The following NOS1 variants were observed in gnomAD, a reference collection of about 807,000 sequenced individuals.
The protein encoded by NOS1 is NOS type I.
In NOS1, 51 loss-of-function variants were observed where a neutral mutation model predicts 164.5. The observed-to-expected ratio is 0.31, with a 90% CI of 0.25 to 0.39. The LOEUF is 0.39. Among genes scored for constraint, NOS1 ranks in the 10% least tolerant of loss-of-function variants. NOS1 has a pLI of 1.00. For synonymous variants in NOS1, 719 were observed against 745.8 expected (o/e 0.96, Z 0.59); for missense variants, 1,362 against 1,885.6 (o/e 0.72, Z 5.14).
At chr12:117,319,064 T>TTTA (rs530484699) in intron 2 of NOS1, among the ~76,000 whole-genome samples, 2 of 152,088 alleles carry the variant, frequency 1.3e-5, no homozygotes, top group Non-Finnish European at 2.9e-5. Context: ...AAAAGTATGC[T>TTTA]TTATTATTAT....
chr12:117,285,049 C>CAA (rs10655356), intron 7 of NOS1, among the ~76,000 whole-genome samples, 192 bp downstream of exon 7: 52,088 of 134,122 alleles, frequency 0.39, 10,320 homozygotes, highest in Admixed American at 0.49. Flanking sequence ...GACTCTGTCT[C>CAA]AAAAAAAAAA....
chr12:117,234,901 T>C lies in NOS1; in HGVS notation c.3042-143A>G. The C allele has an allele frequency of 1.9e-6, 1 of 520,270 alleles. No individual in the cohort carries two copies. Among genetic ancestry groups the C allele is most frequent in the Non-Finnish European group, 3.2e-6 (1 of 309,738 alleles). 32.2% of individuals were successfully genotyped at this position (520,270 alleles called of 1,614,324 possible). A position where few individuals can be genotyped will look rare whatever the true frequency, so the allele number is the denominator to read the frequency against. On this transcript the variant is annotated intron_variant, in intron 20 of 28. Transcript: ENST00000317775. This position sits in a 1 kb window ranked among gnomAD's most constrained non-coding sequence, Gnocchi z 4.3. The stretch of plus-strand genomic sequence containing the variant: ...CGTGCTAACCAAGCCTATGCCCCCA[T>C]CATTCTATTATTATTATTATTATTA...
chr12:117,295,705 T>C (rs1873368511), intron 3 of NOS1, among the ~76,000 whole-genome samples: 1 of 144,450 alleles, frequency 6.9e-6, no homozygotes, highest in South Asian at 2.3e-4. Flanking sequence ...GCAACCTCCA[T>C]CATCTTCTGG....
chr12:117,222,648 TGA>T (rs1181193571), intron 26 of NOS1, 65 bp downstream of exon 26: 3 of 1,477,890 alleles, frequency 2.0e-6, no homozygotes, highest in Non-Finnish European at 2.8e-6. Flanking sequence ...GAGGGGTTTC[TGA>T]GAGTAGGATG....
chr12:117,246,176 G>T, intron 18 of NOS1: 1 of 157,718 alleles, frequency 6.3e-6, no homozygotes. Flanking sequence ...ATGTTCTAAT[G>T]AAATTCTACT....
At chr12:117,309,225 A>G (rs1253691215) in intron 3 of NOS1, 7 of 434,338 alleles carry the variant, frequency 1.6e-5, no homozygotes, top group Admixed American at 6.4e-5. Context: ...GGACAACATA[A>G]TAAAAGTCTA....
chr12:117,253,601 C>A, intron 17 of NOS1, 37 bp downstream of exon 17: 1 of 1,458,376 alleles, frequency 6.9e-7, no homozygotes, highest in Non-Finnish European at 9.6e-7. Context: ...GAGCCTTAGT[C>A]TTCCCTGACC....
chr12:117,268,079 C>G lies in NOS1; in HGVS notation c.1905G>C (p.Leu635=), dbSNP rs755754529. 10 of 1,614,120 alleles carry G rather than the reference C, an allele frequency of 6.2e-6. No homozygotes were observed. In the South Asian group the frequency reaches 1.1e-4, roughly 18 times the overall value. ...KTSSLWKDQA[L]VEINIAVLYS... ...AGAGAACCGCGATATTGATCTCCAC[C>G]AGCGCCTGGTCCTTCCACAGGGAGG... The change falls in exon 11 of 29, where the codon CTG becomes CTC. Residue 635 remains leucine (L), a synonymous_variant. Transcript: ENST00000317775.
Position 117,243,683 on chromosome 12 carries a change from T to A in NOS1, c.2824-248A>T, listed in dbSNP as rs1364570506. On this transcript the variant is annotated intron_variant, in intron 18 of 28. Coordinates refer to ENST00000317775, the MANE Select transcript of NOS1 (RefSeq NM_000620.5). The surrounding 1 kb of genome is among the most constrained non-coding windows in gnomAD (Gnocchi z 4.3). ...TTCCATCCATTCACCCATCCACTCA[T>A]CTACTCTTCCATTCATCTACCCTTC... is the stretch of plus-strand genomic sequence containing the variant. Among the ~76,000 whole-genome samples the A allele has an allele frequency of 6.6e-6, 1 of 151,188 alleles. No homozygotes were observed. Among genetic ancestry groups the A allele is most frequent in the African/African-American group, 2.4e-5 (1 of 41,058 alleles).
At chr12:117,248,810 C>T (rs1008172902) in intron 17 of NOS1, among the ~76,000 whole-genome samples, 1 of 151,538 alleles carries the variant, frequency 6.6e-6, no homozygotes, top group African/African-American at 2.4e-5. Context: ...TACAGTCCCA[C>T]CAACGGTGTA....
rs1226487961 is a variant in NOS1 at position 117,213,405 on chromosome 12, A to G, written c.*1904T>C. The stretch of plus-strand genomic sequence containing the variant: ...AGTGTTTGTTCTTTATATCTGTGGA[A>G]GAGTGAGCAGGGGAAATTGGGATTA... On this transcript the variant is annotated 3_prime_UTR_variant, in exon 29 of 29. Transcript: ENST00000317775. 6 of 985,392 alleles carry G rather than the reference A, an allele frequency of 6.1e-6. No homozygotes were observed. The highest frequency in any genetic ancestry group is 7.2e-6 in the Non-Finnish European group (6 of 829,996). 61.0% of individuals were successfully genotyped at this position (985,392 alleles called of 1,614,324 possible). A position where few individuals can be genotyped will look rare whatever the true frequency, so the allele number is the denominator to read the frequency against.
chr12:117,232,778 C>T (rs924211925), intron 21 of NOS1, among the ~76,000 whole-genome samples: 1 of 152,162 alleles, frequency 6.6e-6, no homozygotes, highest in Non-Finnish European at 1.5e-5. Context: ...AAATATAAGC[C>T]TCTTCTCCAT....
chr12:117,332,537 G>A (rs903885222), intron 1 of NOS1, among the ~76,000 whole-genome samples: 4 of 151,972 alleles, frequency 2.6e-5, no homozygotes, highest in African/African-American at 9.7e-5. Flanking sequence ...GACCAGCCTG[G>A]GCAACATAGC....
chr12:117,304,001 T>C (rs991428396), intron 3 of NOS1, among the ~76,000 whole-genome samples: 1 of 152,084 alleles, frequency 6.6e-6, no homozygotes, highest in Non-Finnish European at 1.5e-5. Context: ...TGAAACCCCG[T>C]CTCTGCCAAA....
intron 17 of NOS1, among the ~76,000 whole-genome samples, chr12:117,252,580 T>C (rs1265131494): frequency 1.3e-5 from 2 of 152,196 alleles, no homozygotes; most frequent in Admixed American, 6.5e-5. Flanking sequence ...TGATGTGTCA[T>C]TGTAGGTACA....
chr12:117,290,249 T>C (rs774069760), intron 4 of NOS1, 49 bp downstream of exon 4: 5 of 1,605,320 alleles, frequency 3.1e-6, no homozygotes, highest in African/African-American at 1.3e-5. Context: ...CAAATGTGGA[T>C]AGTGATGAAG....
At chr12:117,291,796 A>G (rs1298204918) in intron 3 of NOS1, among the ~76,000 whole-genome samples, 1 of 151,980 alleles carries the variant, frequency 6.6e-6, no homozygotes, top group Non-Finnish European at 1.5e-5. Flanking sequence ...TCAGCCTCCC[A>G]AAGTGTTGGG....
chr12:117,333,005 A>G (rs574829603), intron 1 of NOS1, among the ~76,000 whole-genome samples: 11 of 152,328 alleles, frequency 7.2e-5, no homozygotes, highest in Non-Finnish European at 1.0e-4. Context: ...CCAAAGGCCA[A>G]TGGGGGCCCA....
intron 3 of NOS1, 48 bp downstream of exon 3, chr12:117,311,418 C>T (rs1445196843): frequency 5.2e-6 from 8 of 1,532,218 alleles, no homozygotes; most frequent in Admixed American, 4.0e-5. Flanking sequence ...GGGAGGGGGT[C>T]GAGAAGGCGT....
Sources: gnomAD v4.1 joint callset for allele counts (sites outside exome capture counted in the v4.1 genomes callset) on GRCh38, gnomAD v4.1.1 for gene constraint, Gnocchi (gnomAD v3.1) non-coding constraint, MANE v1.5 for transcripts, NCBI Gene and HGNC (gene_info 2026-07-23, HGNC 2026-07-21) for gene names.